The following SAMD5 variants were observed in gnomAD, a reference collection of about 807,000 sequenced individuals.
The protein encoded by SAMD5 is sterile alpha motif domain containing 5.
A neutral mutation model predicts 11.3 loss-of-function variants in SAMD5; 13 were observed. That is an observed-to-expected ratio of 1.15 (90% CI 0.75 to 1.83). SAMD5 has a LOEUF of 1.83. Among genes scored for constraint, SAMD5 ranks in the 40% most tolerant of loss-of-function variants. The pLI is 0.00. For synonymous variants in SAMD5, 129 were observed against 111.3 expected (o/e 1.16, Z -1.00); for missense variants, 255 against 239.1 (o/e 1.07, Z -0.44).
chr6:147,912,646 C>T, the SAMD5 span, among the ~76,000 whole-genome samples: 1 of 152,244 alleles, frequency 6.6e-6, no homozygotes, highest in South Asian at 2.1e-4. Flanking sequence ...GTATTTGTAA[C>T]TTTGCAATAT....
At chr6:147,663,937 G>A (rs9377071) in intron 1 of SAMD5, among the ~76,000 whole-genome samples, 33,286 of 138,644 alleles carry the variant, frequency 0.24, 4,301 homozygotes, top group Non-Finnish European at 0.3. Flanking sequence ...CTGCTTTTTA[G>A]TCTTGAAAAT....
the SAMD5 span, among the ~76,000 whole-genome samples, chr6:147,761,795 T>G: frequency 1.3e-5 from 2 of 152,084 alleles, no homozygotes; most frequent in Admixed American, 6.5e-5. Flanking sequence ...CTCACTGCAA[T>G]CTCTGCCTCC....
the SAMD5 span, among the ~76,000 whole-genome samples, chr6:147,787,644 GA>G: frequency 2.0e-5 from 3 of 152,180 alleles, no homozygotes; most frequent in African/African-American, 7.2e-5. Flanking sequence ...TTTCTGCAGT[GA>G]CTGTTGTGGA....
chr6:147,587,648 A>G (rs187895536), intron 1 of SAMD5, among the ~76,000 whole-genome samples: 2 of 152,268 alleles, frequency 1.3e-5, no homozygotes, highest in East Asian at 3.9e-4. Flanking sequence ...CCATGTTATA[A>G]TGGCTATATT....
At chr6:147,927,431 A>G in the SAMD5 span, among the ~76,000 whole-genome samples, 2 of 152,038 alleles carry the variant, frequency 1.3e-5, no homozygotes, top group East Asian at 3.9e-4. Context: ...GGCAATTGTA[A>G]ATGAGATTGT....
At chr6:147,542,590 CTT>C (rs1450846592) in intron 1 of SAMD5, among the ~76,000 whole-genome samples, 3 of 152,064 alleles carry the variant, frequency 2.0e-5, no homozygotes, top group African/African-American at 7.2e-5. Context: ...TTGAAGCTGT[CTT>C]TTTGCGCTGA....
chr6:147,695,894 A>T (rs1415084800), intron 1 of SAMD5, among the ~76,000 whole-genome samples: 1 of 152,190 alleles, frequency 6.6e-6, no homozygotes, highest in Non-Finnish European at 1.5e-5. Flanking sequence ...GAACAGAGAA[A>T]ACTTCTTCTT....
the SAMD5 span, among the ~76,000 whole-genome samples, chr6:147,825,699 T>C: frequency 6.6e-6 from 1 of 152,242 alleles, no homozygotes; most frequent in Non-Finnish European, 1.5e-5. Flanking sequence ...AATTATGAGC[T>C]GAAGATATAT....
chr6:147,569,440 C>G lies in SAMD5; in HGVS notation c.*4984C>G. The G allele has an allele frequency of 1.1e-6, 1 of 942,586 alleles. No homozygotes were observed. The highest frequency in any genetic ancestry group is 1.3e-6 in the Non-Finnish European group (1 of 790,922). 58.4% of individuals were successfully genotyped at this position (942,586 alleles called of 1,614,324 possible). On this transcript the variant is annotated 3_prime_UTR_variant, in exon 2 of 2. Coordinates refer to ENST00000367474, the MANE Select transcript of SAMD5 (RefSeq NM_001030060.3). ...CTTAACAATTTTGCCAAAATTTCTT[C>G]TACTGGACCAAAAGGAAATAAATCT...
intron 1 of SAMD5, among the ~76,000 whole-genome samples, chr6:147,662,962 T>C (rs1440256717): frequency 1.3e-5 from 2 of 152,210 alleles, no homozygotes; most frequent in African/African-American, 4.8e-5. Flanking sequence ...TTATTAATAT[T>C]TCACAGTATA....
chr6:147,737,071 T>A (rs1424693277), intron 1 of SAMD5, among the ~76,000 whole-genome samples: 1 of 152,172 alleles, frequency 6.6e-6, no homozygotes, highest in East Asian at 1.9e-4. Flanking sequence ...TTGCAATGCA[T>A]GTATATTATG....
the SAMD5 span, among the ~76,000 whole-genome samples, chr6:147,755,239 G>A: frequency 8.6e-5 from 13 of 151,852 alleles, no homozygotes; most frequent in East Asian, 7.7e-4. Context: ...TTCTTTCACC[G>A]GTGTTTTATG....
chr6:147,538,160 C>T (rs1410372732), intron 1 of SAMD5, among the ~76,000 whole-genome samples: 1 of 152,082 alleles, frequency 6.6e-6, no homozygotes, highest in Non-Finnish European at 1.5e-5. Flanking sequence ...CAGATTCTGG[C>T]CCCATAACAG....
chr6:147,509,111 G>C lies in SAMD5; in HGVS notation c.183G>C (p.Arg61=), dbSNP rs1788039911. The change falls in exon 1 of 2, where the codon CGG becomes CGC. Residue 61 remains arginine, a synonymous_variant. Coordinates refer to ENST00000367474, the MANE Select transcript of SAMD5 (RefSeq NM_001030060.3). ...HRRRILEAVR[R]LREQDANAAG... ...GCCGTATCCTGGAGGCCGTGCGCCG[G>C]CTGCGGGAGCAGGACGCCAACGCCG... The C allele has an allele frequency of 2.5e-6, 4 of 1,583,152 alleles. No homozygotes were observed. The highest frequency in any genetic ancestry group is 3.4e-6 in the Non-Finnish European group (4 of 1,166,728).
chr6:147,936,152 G>A, the SAMD5 span, among the ~76,000 whole-genome samples: 3 of 152,232 alleles, frequency 2.0e-5, no homozygotes, highest in African/African-American at 7.2e-5. Flanking sequence ...GGTATGCTAG[G>A]CAGCATTTCA....
At chr6:147,636,082 CACCCATGGGAAAGT>C (rs148875255) in intron 1 of SAMD5, among the ~76,000 whole-genome samples, 4,637 of 152,250 alleles carry the variant, frequency 0.03, 223 homozygotes, top group African/African-American at 0.11. Context: ...CATATAAAGA[CACCCATGGGAAAGT>C]CTTTATTGTC....
intron 1 of SAMD5, among the ~76,000 whole-genome samples, chr6:147,586,841 C>T (rs1789381373): frequency 6.6e-6 from 1 of 152,022 alleles, no homozygotes; most frequent in African/African-American, 2.4e-5. Context: ...TTTCTTCTCA[C>T]TTTTCTCTTT....
intron 1 of SAMD5, among the ~76,000 whole-genome samples, chr6:147,625,265 T>C (rs1217578131): frequency 2.0e-5 from 3 of 152,214 alleles, no homozygotes; most frequent in Admixed American, 2.0e-4. Flanking sequence ...ACTGTTTGGG[T>C]ATTTAGTCGT....
At chr6:147,897,841 A>G in the SAMD5 span, among the ~76,000 whole-genome samples, 2 of 148,640 alleles carry the variant, frequency 1.3e-5, no homozygotes, top group Non-Finnish European at 3.0e-5. Flanking sequence ...GCTACTCGGG[A>G]GGCTGAGGCA....
Sources: gnomAD v4.1 joint callset for allele counts (sites outside exome capture counted in the v4.1 genomes callset) on GRCh38, gnomAD v4.1.1 for gene constraint, MANE v1.5 for transcripts, NCBI Gene and HGNC (gene_info 2026-07-23, HGNC 2026-07-21) for gene names.